FIGN: variants seen among roughly 807,000 people sequenced by gnomAD.
The protein encoded by FIGN is fidgetin, microtubule severing factor.
A neutral mutation model predicts 51.3 loss-of-function variants in FIGN; 11 were observed. The ratio of observed to expected loss-of-function variants is 0.21; its 90% confidence interval spans 0.13 to 0.35. The LOEUF (loss-of-function observed/expected upper bound fraction) is 0.35. Ranked by LOEUF, FIGN falls within the 10% of genes least tolerant of loss-of-function variation. The probability of loss-of-function intolerance (pLI) is 1.00; values close to 1 mark genes in which losing one functional copy is unlikely to be tolerated. For synonymous variants in FIGN, 407 were observed against 363.2 expected (o/e 1.12, Z -1.37); for missense variants, 857 against 943.6 (o/e 0.91, Z 1.20).
At chr2:163,721,673 C>A (rs1360838283) in intron 2 of FIGN, among the ~76,000 whole-genome samples, 1 of 152,166 alleles carries the variant, frequency 6.6e-6, no homozygotes, top group African/African-American at 2.4e-5. Flanking sequence ...CAGATACTTT[C>A]TTCTGCGTAG....
intron 2 of FIGN, among the ~76,000 whole-genome samples, chr2:163,674,414 G>A (rs1683926380): frequency 6.6e-6 from 1 of 152,216 alleles, no homozygotes; most frequent in Non-Finnish European, 1.5e-5. Context: ...CTATTGCTGG[G>A]ATTCCCAGCC....
At chr2:163,619,998 C>T (rs1682941214) in intron 2 of FIGN, among the ~76,000 whole-genome samples, 1 of 151,952 alleles carries the variant, frequency 6.6e-6, no homozygotes, top group South Asian at 2.1e-4. Flanking sequence ...GTGTACAAAA[C>T]TGTGTATATT....
chr2:163,673,549 A>C (rs1683912323), intron 2 of FIGN, among the ~76,000 whole-genome samples: 1 of 152,146 alleles, frequency 6.6e-6, no homozygotes, highest in African/African-American at 2.4e-5. Context: ...TACATATGCT[A>C]GTTTCATTAA....
At chr2:163,702,147 T>G (rs1355513712) in intron 2 of FIGN, among the ~76,000 whole-genome samples, 1 of 152,090 alleles carries the variant, frequency 6.6e-6, no homozygotes, top group Admixed American at 6.6e-5. Flanking sequence ...CAGAGACAGA[T>G]CTACCATGAA....
chr2:163,684,225 T>C (rs994517496), intron 2 of FIGN, among the ~76,000 whole-genome samples: 17 of 152,300 alleles, frequency 1.1e-4, no homozygotes, highest in Non-Finnish European at 1.9e-4. Context: ...GTCATTCCTA[T>C]CTTGAAATAC....
At chr2:163,678,560 C>A (rs553918596) in intron 2 of FIGN, among the ~76,000 whole-genome samples, 26 of 152,264 alleles carry the variant, frequency 1.7e-4, no homozygotes, top group African/African-American at 6.0e-4. Context: ...TGAGAGCTTT[C>A]CAGACTTTCT....
chr2:163,676,179 A>G (rs879590930), intron 2 of FIGN, among the ~76,000 whole-genome samples: 1 of 151,682 alleles, frequency 6.6e-6, no homozygotes, highest in Non-Finnish European at 1.5e-5. Context: ...GCTTAAATTC[A>G]TTACATAATG....
intron 2 of FIGN, among the ~76,000 whole-genome samples, chr2:163,714,179 C>CA (rs1161151501): frequency 6.6e-6 from 1 of 152,136 alleles, no homozygotes; most frequent in Non-Finnish European, 1.5e-5. Flanking sequence ...TTTTACAAAG[C>CA]AAAAGAACTG....
intron 2 of FIGN, among the ~76,000 whole-genome samples, chr2:163,628,279 G>A (rs137940823): frequency 6.6e-6 from 1 of 152,176 alleles, no homozygotes. Flanking sequence ...AGTTGAGGTA[G>A]ATCTTGGACA....
chr2:163,662,286 T>G lies in FIGN; in HGVS notation c.26-50480A>C, dbSNP rs540268712. 3.3e-5 allele frequency among the ~76,000 whole-genome samples: 5 copies of G among 152,216 alleles called. No homozygotes were observed. In the East Asian group the frequency reaches 9.7e-4, roughly 29 times the overall value. On this transcript the variant is annotated intron_variant, in intron 2 of 2. Transcript: ENST00000333129. ...CTAGAGATCTGTGGAATTTTGAACT[T>G]GAGAGATGATTTACCGTATCTGGTG...
chr2:163,629,396 C>T (rs1343368853), intron 2 of FIGN, among the ~76,000 whole-genome samples: 1 of 152,040 alleles, frequency 6.6e-6, no homozygotes, highest in Admixed American at 6.6e-5. Context: ...GATCAGACGT[C>T]ATGGTGAGTT....
chr2:163,617,529 G>A (rs530797682), intron 2 of FIGN, among the ~76,000 whole-genome samples: 29 of 152,154 alleles, frequency 1.9e-4, no homozygotes, highest in Middle Eastern at 6.8e-3. Flanking sequence ...CTCACTTTTC[G>A]ATTGATGTTT....
chr2:163,725,349 G>C (rs537080836), intron 2 of FIGN, among the ~76,000 whole-genome samples: 1 of 152,166 alleles, frequency 6.6e-6, no homozygotes, highest in African/African-American at 2.4e-5. Context: ...CAAGGTTCTT[G>C]GTGAGTATGC....
At chr2:163,697,199 C>T (rs1684336098) in intron 2 of FIGN, among the ~76,000 whole-genome samples, 1 of 145,566 alleles carries the variant, frequency 6.9e-6, no homozygotes. Context: ...CTCCCGGGTT[C>T]AAGCGATTCA....
chr2:163,614,486 A>G (rs1682835983), intron 2 of FIGN, among the ~76,000 whole-genome samples: 1 of 152,160 alleles, frequency 6.6e-6, no homozygotes, highest in African/African-American at 2.4e-5. Context: ...CCTGTAAATT[A>G]TTTCTAGGGA....
chr2:163,693,257 G>T (rs1684265829), intron 2 of FIGN, among the ~76,000 whole-genome samples: 1 of 152,102 alleles, frequency 6.6e-6, no homozygotes, highest in South Asian at 2.1e-4. Flanking sequence ...TGGTGTGTGT[G>T]TGTATCTGTG....
intron 2 of FIGN, among the ~76,000 whole-genome samples, chr2:163,699,045 T>C (rs1684367326): frequency 6.6e-6 from 1 of 152,042 alleles, no homozygotes; most frequent in Non-Finnish European, 1.5e-5. Flanking sequence ...TCCCCTTGCC[T>C]CTAGAAAGGA....
At chr2:163,647,692 A>C (rs1253255777) in intron 2 of FIGN, among the ~76,000 whole-genome samples, 1 of 152,234 alleles carries the variant, frequency 6.6e-6, no homozygotes, top group Non-Finnish European at 1.5e-5. Context: ...CAAGAGGGAA[A>C]ACTATTCATA....
At chr2:163,615,778 TTAAA>T (rs1388694198) in intron 2 of FIGN, among the ~76,000 whole-genome samples, 1 of 152,122 alleles carries the variant, frequency 6.6e-6, no homozygotes, top group Non-Finnish European at 1.5e-5. Flanking sequence ...TGGAAATAGT[TTAAA>T]TAGGTACAGT....
Sources: allele counts gnomAD v4.1 joint callset (sites outside exome capture counted in the v4.1 genomes callset), GRCh38; gene constraint gnomAD v4.1.1; transcripts MANE v1.5; gene names NCBI Gene and HGNC (gene_info 2026-07-23, HGNC 2026-07-21).